Variants in CLYBL observed in about 807,000 individuals in gnomAD.
CLYBL encodes the protein citramalyl-CoA lyase, also known as citramalyl-CoA lyase, mitochondrial.
Under a neutral mutation model 38.9 loss-of-function variants are expected in CLYBL, and 31 were observed. The ratio of observed to expected loss-of-function variants is 0.80; its 90% CI spans 0.60 to 1.08. The LOEUF (loss-of-function observed/expected upper bound fraction) is 1.08. Among genes scored for constraint, CLYBL ranks in the 50% least tolerant of loss-of-function variants. CLYBL has a pLI of 0.00. For missense variants in CLYBL, 434 were observed against 411.6 expected, an observed-to-expected ratio of 1.05 and a Z score of -0.47; for synonymous variants, 171 against 158.6, an observed-to-expected ratio of 1.08 and a Z score of -0.59.
chr13:99,716,157 T>TTTA (rs2048307742), intron 1 of CLYBL, among the ~76,000 whole-genome samples: 1 of 148,556 alleles, frequency 6.7e-6, no homozygotes, highest in Non-Finnish European at 1.5e-5. Flanking sequence ...TTGTCCTTGC[T>TTTA]TTATTGGTGT....
chr13:99,810,387 G>A (rs2050317027), intron 2 of CLYBL, among the ~76,000 whole-genome samples: 1 of 152,218 alleles, frequency 6.6e-6, no homozygotes, highest in African/African-American at 2.4e-5. Context: ...GGATGGAGAG[G>A]AGGTAACTAG....
downstream of CLYBL, chr13:99,892,961 G>A (rs968881478): frequency 6.6e-6 from 1 of 152,436 alleles, no homozygotes; most frequent in Non-Finnish European, 1.5e-5. Flanking sequence ...GGACAGACAT[G>A]CGGGGAGCCA....
intron 8 of CLYBL, among the ~76,000 whole-genome samples, chr13:99,903,743 T>A (rs909612943): frequency 6.6e-6 from 1 of 152,254 alleles, no homozygotes; most frequent in Non-Finnish European, 1.5e-5. Context: ...TGGACTTCCA[T>A]GAAATCTGAA....
In CLYBL at chr13:99,808,493, T is replaced by TA. The variant is rs796897646; in HGVS notation, c.249+35492dup. On this transcript the variant is annotated intron_variant, in intron 2 of 8. Transcript: ENST00000339105. ...GAGATAATACTATAATTTATAGACTTAAAAAAAAATTATAGACTTAAAAGC... is the reference window on the plus strand; with the variant it reads ...GAGATAATACTATAATTTATAGACTTAAAAAAAAAATTATAGACTTAAAAGC... Among the ~76,000 whole-genome samples, 83 of 119,434 alleles carry TA rather than the reference T, an allele frequency of 6.9e-4. 1 individual carries two copies. Among genetic ancestry groups the TA allele is most frequent in the African/African-American group, 3.4e-3 (81 of 23,938 alleles). 78.4% of individuals were successfully genotyped at this position (119,434 alleles called of 152,430 possible).
At chr13:99,721,450 C>T (rs2048391192) in intron 1 of CLYBL, among the ~76,000 whole-genome samples, 1 of 150,884 alleles carries the variant, frequency 6.6e-6, no homozygotes, top group South Asian at 2.1e-4. Context: ...ATTAATTTTT[C>T]TTTTTTTATT....
Position 99,865,811 on chromosome 13 carries a change from G to A in CLYBL, c.635-429G>A, listed in dbSNP as rs1299445707. ...TGGCTCAGAACTTCAGTTTGGACAG[G>A]GCAATCGCAGCACACACAGTTCTGT... On this transcript the variant is annotated intron_variant, in intron 5 of 8. Coordinates refer to ENST00000339105, the MANE Select transcript of CLYBL (RefSeq NM_206808.5). The surrounding 1 kb of genome is among the most constrained non-coding windows in gnomAD (Gnocchi z 4.7). Among the ~76,000 whole-genome samples the A allele has an allele frequency of 1.3e-5, 2 of 152,140 alleles. No homozygotes were observed. The highest frequency in any genetic ancestry group is 2.9e-5 in the Non-Finnish European group (2 of 68,036).
At chr13:99,635,095 C>A (rs1399692524) in intron 1 of CLYBL, among the ~76,000 whole-genome samples, 1 of 152,146 alleles carries the variant, frequency 6.6e-6, no homozygotes, top group African/African-American at 2.4e-5. Flanking sequence ...GGGTTCCCAT[C>A]TCGGGTGATC....
intron 7 of CLYBL, among the ~76,000 whole-genome samples, chr13:99,881,855 T>G (rs1159195970): frequency 6.6e-6 from 1 of 152,216 alleles, no homozygotes; most frequent in Non-Finnish European, 1.5e-5. Context: ...ACTTAAAATG[T>G]CACTCATATA....
intron 1 of CLYBL, among the ~76,000 whole-genome samples, chr13:99,695,317 A>C (rs943685037): frequency 1.3e-5 from 2 of 152,134 alleles, no homozygotes; most frequent in African/African-American, 4.8e-5. Context: ...ACAGGTTAAC[A>C]AGAGCAAAGC....
chr13:99,696,583 C>G (rs540066917), intron 1 of CLYBL, among the ~76,000 whole-genome samples: 1 of 151,836 alleles, frequency 6.6e-6, no homozygotes, highest in Non-Finnish European at 1.5e-5. Context: ...ATACATAAGA[C>G]ACATGGCACA....
chr13:99,840,453 A>C (rs2051043989), intron 2 of CLYBL, among the ~76,000 whole-genome samples: 1 of 152,014 alleles, frequency 6.6e-6, no homozygotes, highest in African/African-American at 2.4e-5. Flanking sequence ...CTCTATTAAA[A>C]ATAAATTTAA....
At chr13:99,791,874 G>A (rs2049924366) in intron 2 of CLYBL, among the ~76,000 whole-genome samples, 1 of 151,950 alleles carries the variant, frequency 6.6e-6, no homozygotes, top group African/African-American at 2.4e-5. Flanking sequence ...CTCTCACAGG[G>A]TAATATATTG....
chr13:99,769,333 A>AT (rs2049334495), intron 1 of CLYBL, among the ~76,000 whole-genome samples: 1 of 152,174 alleles, frequency 6.6e-6, no homozygotes, highest in African/African-American at 2.4e-5. Context: ...TGGTTTCAAA[A>AT]TAGTTACAGC....
At chr13:99,733,592 C>T (rs920290629) in intron 1 of CLYBL, among the ~76,000 whole-genome samples, 8 of 152,186 alleles carry the variant, frequency 5.3e-5, no homozygotes, top group East Asian at 1.9e-4. Context: ...ATGGGCATTC[C>T]GCCCATCGAC....
intron 7 of CLYBL, among the ~76,000 whole-genome samples, chr13:99,876,959 G>T (rs531729538): frequency 1.3e-5 from 2 of 152,168 alleles, no homozygotes; most frequent in South Asian, 4.2e-4. Flanking sequence ...TCCACGTGCC[G>T]TTCCCCACAC....
chr13:99,901,747 C>T (rs1264039947), downstream of CLYBL, among the ~76,000 whole-genome samples: 1 of 151,652 alleles, frequency 6.6e-6, no homozygotes, highest in Non-Finnish European at 1.5e-5. Flanking sequence ...GCAACCTCCA[C>T]CTCCCGGGTT....
chr13:99,750,362 C>G (rs1433094361), intron 1 of CLYBL, among the ~76,000 whole-genome samples: 2 of 152,160 alleles, frequency 1.3e-5, no homozygotes, highest in Admixed American at 6.6e-5. Context: ...TAAAGGGCCA[C>G]AGCATTTTTG....
At chr13:99,852,628 G>GTGGAAATATTCAAATA (rs2051359490) in intron 2 of CLYBL, among the ~76,000 whole-genome samples, 1 of 152,108 alleles carries the variant, frequency 6.6e-6, no homozygotes, top group South Asian at 2.1e-4. Flanking sequence ...ACTTTTTATT[G>GTGGAAATATTCAAATA]TGGAAATATT....
intron 1 of CLYBL, among the ~76,000 whole-genome samples, chr13:99,720,917 TTC>T (rs2048382456): frequency 6.6e-6 from 1 of 152,202 alleles, no homozygotes; most frequent in East Asian, 1.9e-4. Context: ...ATTCTTTCTA[TTC>T]TCTCATTAGC....
Sources: gnomAD v4.1 joint callset for allele counts (sites outside exome capture counted in the v4.1 genomes callset) on GRCh38, gnomAD v4.1.1 for gene constraint, Gnocchi (gnomAD v3.1) non-coding constraint, MANE v1.5 for transcripts, NCBI Gene and HGNC (gene_info 2026-07-23, HGNC 2026-07-21) for gene names.